CENPE: variants seen among roughly 807,000 people sequenced by gnomAD.
The protein encoded by CENPE is centromere-associated protein E.
CENPE carries 145 observed loss-of-function variants against 336.1 expected under a neutral mutation model. That is an observed-to-expected ratio of 0.43 (90% CI 0.38 to 0.50). CENPE has a LOEUF of 0.50. Among genes scored for constraint, CENPE ranks in the 20% least tolerant of loss-of-function variants. The probability of loss-of-function intolerance (pLI) is 0.00; values close to 1 mark genes in which losing one functional copy is unlikely to be tolerated. For missense variants in CENPE, 2,719 were observed against 3,023.3 expected (o/e 0.90, Z 2.36); for synonymous variants, 1,013 against 984.8 (o/e 1.03, Z -0.54).
chr4:103,108,033 C>T (rs1229849115), intron 48 of CENPE, among the ~76,000 whole-genome samples: 1 of 152,156 alleles, frequency 6.6e-6, no homozygotes, highest in Non-Finnish European at 1.5e-5. Flanking sequence ...GTGCTCTGAC[C>T]ACACCATATT....
intron 16 of CENPE, among the ~76,000 whole-genome samples, chr4:103,165,702 G>A (rs1754846346): frequency 6.6e-6 from 1 of 151,798 alleles, no homozygotes; most frequent in Admixed American, 6.6e-5. Flanking sequence ...AAAAGTAAAG[G>A]GCCTAGAGCA....
At chr4:103,181,261 A>T in intron 12 of CENPE, 76 bp downstream of exon 12, 1 of 1,008,764 alleles carries the variant, frequency 9.9e-7, no homozygotes, top group Non-Finnish European at 1.4e-6. Context: ...AGGAATGAAG[A>T]GTCTCTGAGC....
chr4:103,108,687 T>C, intron 48 of CENPE, 116 bp downstream of exon 48: 1 of 957,454 alleles, frequency 1.0e-6, no homozygotes, highest in South Asian at 1.8e-5. Flanking sequence ...AAGCCTGTCA[T>C]TGTAGCTTAC....
At chr4:103,182,930 A>C in intron 10 of CENPE, 39 bp from the exon 11 acceptor site, 8 of 1,591,178 alleles carry the variant, frequency 5.0e-6, no homozygotes, top group Non-Finnish European at 6.9e-6. Flanking sequence ...AAAGATTGAG[A>C]ACGTTTATAT....
In CENPE at chr4:103,138,374, T is replaced by G. The variant is rs1752251556; in HGVS notation, c.6280A>C (p.Arg2094=). Residue 2094 remains arginine, a synonymous_variant, in exon 39 of 49, where the codon AGA becomes CGA. Coordinates refer to ENST00000265148, the MANE Select transcript of CENPE (RefSeq NM_001813.3). ...ACTTTTATTCTAGAGCACTTTTCTC[T>G]CAGGCTTTCCGTAAGGTGCTGTTGT... ...DGQQHLTESL[R]EKCSRIKELL... The G allele has an allele frequency of 6.2e-7, 1 of 1,612,870 alleles. No individual in the cohort carries two copies. Among genetic ancestry groups the G allele is most frequent in the Admixed American group, 1.7e-5 (1 of 60,020 alleles).
intron 9 of CENPE, among the ~76,000 whole-genome samples, chr4:103,184,324 G>A (rs986907982): frequency 6.6e-6 from 1 of 152,200 alleles, no homozygotes; most frequent in Non-Finnish European, 1.5e-5. Flanking sequence ...AATGGCAAGA[G>A]TGCAGGTGCA....
chr4:103,159,417 G>T (rs1396888444), intron 21 of CENPE, 93 bp from the exon 22 acceptor site: 5 of 758,318 alleles, frequency 6.6e-6, no homozygotes, highest in African/African-American at 1.8e-5. Flanking sequence ...AAAAAGAGAA[G>T]TTATTTACAT....
chr4:103,125,486 A>G (rs774257368), intron 42 of CENPE, among the ~76,000 whole-genome samples: 3 of 152,146 alleles, frequency 2.0e-5, no homozygotes, highest in Non-Finnish European at 4.4e-5. Flanking sequence ...GACTCAGTAC[A>G]TTTGGGCTGA....
chr4:103,149,450 T>C (rs1203714028), intron 26 of CENPE, 42 bp from the exon 27 acceptor site: 3 of 1,484,816 alleles, frequency 2.0e-6, no homozygotes, highest in Non-Finnish European at 2.7e-6. Flanking sequence ...TTACTTATAT[T>C]CTCAAAATTC....
intron 21 of CENPE, among the ~76,000 whole-genome samples, chr4:103,160,334 C>T (rs189857133): frequency 6.6e-6 from 1 of 151,526 alleles, no homozygotes; most frequent in African/African-American, 2.4e-5. Flanking sequence ...AAGGGTGGGC[C>T]GTAATACTGT....
Position 103,138,408 on chromosome 4 carries a change from T to C in CENPE, c.6246A>G (p.Leu2082=), listed in dbSNP as rs1752255071. The C allele has an allele frequency of 6.2e-7, 1 of 1,613,698 alleles. No individual in the cohort carries two copies. The highest frequency in any genetic ancestry group is 1.3e-5 in the African/African-American group (1 of 74,920). The part of the protein sequence containing the change: ...NHQVKPEKRL[L]SDGQQHLTES... ...CCGTAAGGTGCTGTTGTCCATCACT[T>C]AGTAACCTTTTTTCAGGTTTTACTT... The change falls in exon 39 of 49, where the codon CTA becomes CTG. Residue 2082 remains leucine, a synonymous_variant. Coordinates refer to ENST00000265148, the MANE Select transcript of CENPE (RefSeq NM_001813.3).
At position 103,194,458 on chromosome 4, in the gene CENPE, T is replaced by C. The variant is rs763394869; in HGVS notation, c.560-17A>G. 1 of 1,568,820 alleles carries C rather than the reference T, an allele frequency of 6.4e-7. No individual in the cohort carries two copies. The highest frequency in any genetic ancestry group is 8.7e-7 in the Non-Finnish European group (1 of 1,149,320). Reference sequence around the variant, plus strand: ...GCCTGCTCTCTGTAAAAATGAGTTATATTTCAGCTGCATATATAATAAAAT... The same window carrying C: ...GCCTGCTCTCTGTAAAAATGAGTTACATTTCAGCTGCATATATAATAAAAT... On this transcript the variant is annotated splice_polypyrimidine_tract_variant and intron_variant, in intron 6 of 48. Coordinates refer to ENST00000265148, the MANE Select transcript of CENPE (RefSeq NM_001813.3).
At chr4:103,169,825 C>T (rs1336798088) in intron 16 of CENPE, among the ~76,000 whole-genome samples, 3 of 152,152 alleles carry the variant, frequency 2.0e-5, no homozygotes, top group East Asian at 3.9e-4. Context: ...TATAAAGACA[C>T]ATGCACACGT....
At chr4:103,196,992 C>G in intron 1 of CENPE, 142 bp from the exon 2 acceptor site, 1 of 643,004 alleles carries the variant, frequency 1.6e-6, no homozygotes, top group South Asian at 1.8e-5. Context: ...TTTGAGGATT[C>G]AACTCTTAAA....
chr4:103,125,741 T>C (rs527924212), intron 42 of CENPE, among the ~76,000 whole-genome samples: 22 of 151,684 alleles, frequency 1.5e-4, no homozygotes, highest in African/African-American at 5.3e-4. Flanking sequence ...GGCACGTGCC[T>C]GTAGTCCCAG....
At chr4:103,169,320 C>T (rs1325427465) in intron 16 of CENPE, among the ~76,000 whole-genome samples, 1 of 150,318 alleles carries the variant, frequency 6.7e-6, no homozygotes, top group East Asian at 1.9e-4. Context: ...TGGGTCACTG[C>T]AGTTCAAGTA....
intron 26 of CENPE, among the ~76,000 whole-genome samples, chr4:103,150,041 A>C (rs1560632509): frequency 6.6e-6 from 1 of 152,172 alleles, no homozygotes; most frequent in East Asian, 1.9e-4. Flanking sequence ...AAGCAAAGAG[A>C]CTAATTAAAT....
chr4:103,176,795 A>G (rs1755906962), intron 14 of CENPE, 104 bp downstream of exon 14: 1 of 805,382 alleles, frequency 1.2e-6, no homozygotes, highest in Non-Finnish European at 1.9e-6. Flanking sequence ...TGAAATACAC[A>G]GTATTTAAAC....
At chr4:103,187,834 A>T (rs959354215) in intron 8 of CENPE, among the ~76,000 whole-genome samples, 4 of 152,244 alleles carry the variant, frequency 2.6e-5, no homozygotes, top group Admixed American at 6.5e-5. Context: ...AAATGCTCCA[A>T]TGAAAAGACA....
Sources: allele counts gnomAD v4.1 joint callset (sites outside exome capture counted in the v4.1 genomes callset), GRCh38; gene constraint gnomAD v4.1.1; transcripts MANE v1.5; gene names NCBI Gene and HGNC (gene_info 2026-07-23, HGNC 2026-07-21).